Variants in PDE4D observed in about 807,000 individuals in gnomAD.
The protein encoded by PDE4D is phosphodiesterase 4D.
PDE4D carries 24 observed loss-of-function variants against 87.4 expected under a neutral mutation model. That is an observed-to-expected ratio of 0.27 (90% CI 0.20 to 0.39). The LOEUF is 0.39. Ranked by LOEUF, PDE4D falls within the 10% of genes least tolerant of loss-of-function variation. The pLI is 1.00. For missense variants in PDE4D, 714 were observed against 1,041.0 expected, an observed-to-expected ratio of 0.69 and a Z score of 4.32; for synonymous variants, 384 against 383.2, an observed-to-expected ratio of 1.00 and a Z score of -0.02.
At chr5:60,506,286 A>C (rs1016518282) in intron 1 of PDE4D, among the ~76,000 whole-genome samples, 1 of 152,238 alleles carries the variant, frequency 6.6e-6, no homozygotes, top group Non-Finnish European at 1.5e-5. Flanking sequence ...TGCACACGTG[A>C]ATACACTCAT....
intron 1 of PDE4D, among the ~76,000 whole-genome samples, chr5:60,359,925 C>T (rs954598578): frequency 6.6e-6 from 1 of 152,196 alleles, no homozygotes; most frequent in African/African-American, 2.4e-5. Context: ...TTCATCCTCT[C>T]ATGCTTTTGT....
chr5:60,366,555 A>G (rs1760561291), intron 1 of PDE4D, among the ~76,000 whole-genome samples: 1 of 152,232 alleles, frequency 6.6e-6, no homozygotes, highest in African/African-American at 2.4e-5. Context: ...GGCACATCTC[A>G]GGGTAGCCAT....
At chr5:59,853,672 C>A (rs997401475) in intron 1 of PDE4D, among the ~76,000 whole-genome samples, 2 of 151,888 alleles carry the variant, frequency 1.3e-5, no homozygotes, top group African/African-American at 4.8e-5. Context: ...ATGTTAAAAT[C>A]AAAGAGGCAG....
chr5:59,579,145 T>C (rs1823655780), intron 1 of PDE4D, among the ~76,000 whole-genome samples: 1 of 152,212 alleles, frequency 6.6e-6, no homozygotes, highest in East Asian at 1.9e-4. Flanking sequence ...GGTATTTGGA[T>C]CAAGTCAGTT....
chr5:60,139,498 G>T (rs1250788112), intron 2 of PDE4D, among the ~76,000 whole-genome samples: 1 of 152,052 alleles, frequency 6.6e-6, no homozygotes, highest in Non-Finnish European at 1.5e-5. Context: ...AAGGACCACT[G>T]CCATTGACTT....
chr5:59,927,478 G>T (rs1755419255), intron 3 of PDE4D, among the ~76,000 whole-genome samples: 1 of 152,144 alleles, frequency 6.6e-6, no homozygotes, highest in African/African-American at 2.4e-5. Context: ...TATACTGAAA[G>T]AACATATACT....
chr5:58,997,141 G>A (rs1236506732), intron 6 of PDE4D, among the ~76,000 whole-genome samples: 1 of 152,160 alleles, frequency 6.6e-6, no homozygotes, highest in South Asian at 2.1e-4. Context: ...CGTACATTAA[G>A]TTATAACACA....
chr5:59,957,333 C>T (rs780798281), intron 3 of PDE4D, among the ~76,000 whole-genome samples: 4 of 151,576 alleles, frequency 2.6e-5, no homozygotes, highest in Non-Finnish European at 5.9e-5. Context: ...TAGAATTAGA[C>T]AGACATTTTT....
chr5:60,074,805 G>A (rs1265999865), intron 2 of PDE4D, among the ~76,000 whole-genome samples: 6 of 151,954 alleles, frequency 3.9e-5, no homozygotes, highest in African/African-American at 1.4e-4. Flanking sequence ...AGTCTGTTTT[G>A]TCTGAAATTA....
chr5:59,604,600 A>G (rs941360015), intron 1 of PDE4D, among the ~76,000 whole-genome samples: 1 of 152,054 alleles, frequency 6.6e-6, no homozygotes, highest in Non-Finnish European at 1.5e-5. Flanking sequence ...CAGAAGAAAA[A>G]TGGGACATGG....
At chr5:60,118,923 G>C (rs1265586919) in intron 2 of PDE4D, among the ~76,000 whole-genome samples, 1 of 152,038 alleles carries the variant, frequency 6.6e-6, no homozygotes, top group African/African-American at 2.4e-5. Flanking sequence ...ACTAAAGTTG[G>C]AGAACCACAG....
intron 1 of PDE4D, among the ~76,000 whole-genome samples, chr5:60,366,275 G>A (rs1279003740): frequency 6.6e-6 from 1 of 151,846 alleles, no homozygotes; most frequent in South Asian, 2.1e-4. Flanking sequence ...TCTAAGCTAA[G>A]CTCTTTATGT....
intron 1 of PDE4D, among the ~76,000 whole-genome samples, chr5:59,350,097 C>A (rs76615409): frequency 6.6e-6 from 1 of 152,108 alleles, no homozygotes; most frequent in Non-Finnish European, 1.5e-5. Flanking sequence ...CCTATTGTAG[C>A]TGTTGTAGCA....
chr5:59,846,699 G>A (rs975960982), intron 1 of PDE4D, among the ~76,000 whole-genome samples: 1 of 151,972 alleles, frequency 6.6e-6, no homozygotes, highest in Admixed American at 6.6e-5. Flanking sequence ...CATATGAGGA[G>A]TAGAGAGCTC....
intron 5 of PDE4D, among the ~76,000 whole-genome samples, chr5:59,102,286 A>C (rs1770881199): frequency 6.6e-6 from 1 of 151,638 alleles, no homozygotes; most frequent in Non-Finnish European, 1.5e-5. Flanking sequence ...GGGTTTCTCC[A>C]TGTTGGTCAG....
intron 1 of PDE4D, among the ~76,000 whole-genome samples, chr5:59,739,788 T>A (rs894859665): frequency 6.6e-6 from 1 of 152,156 alleles, no homozygotes; most frequent in African/African-American, 2.4e-5. Context: ...GACCTTCAAG[T>A]ATGCTTATCT....
chr5:59,870,904 T>C (rs1178163663), intron 1 of PDE4D, among the ~76,000 whole-genome samples: 2 of 152,230 alleles, frequency 1.3e-5, no homozygotes, highest in Admixed American at 6.5e-5. Context: ...GCATGGGATG[T>C]GCAGTTGCCG....
intron 3 of PDE4D, among the ~76,000 whole-genome samples, chr5:59,950,644 A>T (rs1163062831): frequency 6.6e-6 from 1 of 152,122 alleles, no homozygotes; most frequent in Non-Finnish European, 1.5e-5. Context: ...CACTTAAGAT[A>T]TTCTTGGCTG....
intron 1 of PDE4D, among the ~76,000 whole-genome samples, chr5:60,274,422 G>A (rs898128098): frequency 6.6e-6 from 1 of 152,140 alleles, no homozygotes; most frequent in South Asian, 2.1e-4. Flanking sequence ...GTGCAGTGGT[G>A]CAATCTCGAC....
Sources: gnomAD v4.1 joint callset for allele counts (sites outside exome capture counted in the v4.1 genomes callset) on GRCh38, gnomAD v4.1.1 for gene constraint, MANE v1.5 for transcripts, NCBI Gene and HGNC (gene_info 2026-07-23, HGNC 2026-07-21) for gene names.